The following SQSTM1 variants were observed in gnomAD, a reference collection of about 807,000 sequenced individuals.
SQSTM1 encodes sequestosome 1, also known as sequestosome-1.
Under a neutral mutation model 45.1 loss-of-function variants are expected in SQSTM1, and 36 were observed. The observed-to-expected ratio is 0.80, with a 90% CI of 0.61 to 1.05. The LOEUF (loss-of-function observed/expected upper bound fraction) is 1.05, where lower values mean the gene tolerates loss of function less well. SQSTM1 is among the 50% of genes least tolerant of loss of function. The pLI is 0.00. For synonymous variants in SQSTM1, 290 were observed against 244.3 expected (o/e 1.19, Z -1.74); for missense variants, 617 against 607.1 (o/e 1.02, Z -0.17).
chr5:179,833,552 T>C (rs781696581), intron 6 of SQSTM1, 35 bp from the exon 7 acceptor site: 18 of 1,612,176 alleles, frequency 1.1e-5, no homozygotes, highest in Admixed American at 6.7e-5. Flanking sequence ...CTGTTGCGCG[T>C]GTCTCCTGTG....
In SQSTM1 at chr5:179,837,167, A is replaced by G. The variant is rs1286491810; in HGVS notation, c.*574A>G. The G allele has an allele frequency of 2.0e-6, 3 of 1,482,130 alleles. No individual in the cohort carries two copies. Among genetic ancestry groups the G allele is most frequent in the Non-Finnish European group, 1.8e-6 (2 of 1,096,366 alleles). The allele number at this position is 1,482,130 out of a possible 1,614,324, so 91.8% of individuals were successfully genotyped here. Reference sequence around the variant, plus strand: ...ACTGTAGTTCTCTCATTTCCAAACCATCAGCTGCTTTTAAAATAAGATCTC... The same window carrying G: ...ACTGTAGTTCTCTCATTTCCAAACCGTCAGCTGCTTTTAAAATAAGATCTC... On this transcript the variant is annotated 3_prime_UTR_variant, in exon 8 of 8. Coordinates refer to ENST00000389805, the MANE Select transcript of SQSTM1 (RefSeq NM_003900.5).
intron 5 of SQSTM1, among the ~76,000 whole-genome samples, chr5:179,832,200 C>T (rs866675323): frequency 2.6e-5 from 4 of 152,308 alleles, no homozygotes; most frequent in East Asian, 1.9e-4. Context: ...GCAAGAGCAG[C>T]GTGAGCTGAA....
intron 1 of SQSTM1, 200 bp from the exon 2 acceptor site, chr5:179,822,758 A>G (rs1378113115): frequency 1.5e-6 from 1 of 652,506 alleles, no homozygotes; most frequent in Non-Finnish European, 2.8e-6. Context: ...TCCAGGGCCC[A>G]GGTCGGAGCA....
chr5:179,822,109 C>T (rs553829506), intron 1 of SQSTM1, among the ~76,000 whole-genome samples: 1 of 152,304 alleles, frequency 6.6e-6, no homozygotes, highest in East Asian at 1.9e-4. Context: ...TTTTATCACC[C>T]TCTTATCCAC....
At chr5:179,830,559 CT>C (rs1408784252) in intron 5 of SQSTM1, among the ~76,000 whole-genome samples, 2 of 142,118 alleles carry the variant, frequency 1.4e-5, no homozygotes, top group African/African-American at 5.7e-5. Context: ...TTTTTTTTTT[CT>C]TTTTCTTTCC....
intron 5 of SQSTM1, among the ~76,000 whole-genome samples, chr5:179,827,430 G>A (rs866386990): frequency 3.3e-5 from 5 of 152,208 alleles, no homozygotes; most frequent in Middle Eastern, 3.4e-3. Context: ...GACCACAGGC[G>A]CCCACCACCA....
chr5:179,832,104 A>C (rs911959939), intron 5 of SQSTM1, among the ~76,000 whole-genome samples: 2 of 152,180 alleles, frequency 1.3e-5, no homozygotes, highest in Non-Finnish European at 2.9e-5. Flanking sequence ...CTTTTAACAA[A>C]AAATTGCGTC....
intron 7 of SQSTM1, 61 bp from the exon 8 acceptor site, chr5:179,836,375 T>C: frequency 6.2e-7 from 1 of 1,611,750 alleles, no homozygotes; most frequent in South Asian, 1.1e-5. Context: ...GCAGGGTATG[T>C]GTTTCGGGTC....
At position 179,837,317 on chromosome 5, in the gene SQSTM1, T is replaced by C. The variant is rs1212600382; in HGVS notation, c.*724T>C. 6.3e-7 allele frequency: 1 copy of C among 1,593,026 alleles called. No individual in the cohort carries two copies. The highest frequency in any genetic ancestry group is 8.6e-7 in the Non-Finnish European group (1 of 1,169,216). On this transcript the variant is annotated 3_prime_UTR_variant, in exon 8 of 8. Transcript: ENST00000389805. ...TATTGTTAATGGTTCTTACAGAGTA[T>C]CTTTAAAAGTGCCTTAGGGGAACCC...
At chr5:179,821,759 AGTGTTG>A in intron 1 of SQSTM1, 1 of 325,992 alleles carries the variant, frequency 3.1e-6, no homozygotes, top group Non-Finnish European at 6.0e-6. Flanking sequence ...GTTCTTCAGA[AGTGTTG>A]GTGTTGGCAC....
chr5:179,835,504 C>CG (rs1299821979), intron 7 of SQSTM1: 9 of 158,160 alleles, frequency 5.7e-5, no homozygotes, highest in Admixed American at 3.9e-4. Context: ...GCCAACACAG[C>CG]GAAACCCCGT....
At chr5:179,834,236 T>TGGGGGGGG in intron 7 of SQSTM1, among the ~76,000 whole-genome samples, 1 of 7,060 alleles carries the variant, frequency 1.4e-4, no homozygotes, top group Admixed American at 1.8e-3. Flanking sequence ...CAGGCAGCAG[T>TGGGGGGGG]GGGGGGGTGG....
intron 7 of SQSTM1, 30 bp downstream of exon 7, chr5:179,833,812 T>G (rs1758364130): frequency 6.2e-7 from 1 of 1,611,818 alleles, no homozygotes; most frequent in Non-Finnish European, 8.5e-7. Flanking sequence ...TTGTACATAT[T>G]CCTACCTTTC....
chr5:179,829,195 T>C (rs1188454596), intron 5 of SQSTM1, among the ~76,000 whole-genome samples: 4 of 152,140 alleles, frequency 2.6e-5, no homozygotes, highest in Non-Finnish European at 5.9e-5. Context: ...CAGGCCAGGG[T>C]GAGGCACCAG....
In SQSTM1 at chr5:179,836,788, T is replaced by C; in HGVS notation, c.*195T>C. The C allele has an allele frequency of 1.2e-6, 1 of 841,468 alleles. No homozygotes were observed. Among genetic ancestry groups the C allele is most frequent in the Non-Finnish European group, 1.9e-6 (1 of 521,976 alleles). The allele number at this position is 841,468 out of a possible 1,614,324, so 52.1% of individuals were successfully genotyped here. A position where few individuals can be genotyped will look rare whatever the true frequency, so the allele number is the denominator to read the frequency against. ...GTCCCTGTGTGTGTGTGTGCTGATG[T>C]TTCCTGGGTGCCCTGGCTCCTTGCA... On this transcript the variant is annotated 3_prime_UTR_variant, in exon 8 of 8. Coordinates refer to ENST00000389805, the MANE Select transcript of SQSTM1 (RefSeq NM_003900.5).
intron 7 of SQSTM1, chr5:179,835,456 G>C (rs1244786194): frequency 6.4e-6 from 1 of 156,440 alleles, no homozygotes; most frequent in African/African-American, 2.4e-5. Flanking sequence ...GGCCGAGGCT[G>C]GCGGATCACT....
chr5:179,816,305 C>T (rs1424238386), upstream of SQSTM1, among the ~76,000 whole-genome samples: 3 of 152,106 alleles, frequency 2.0e-5, no homozygotes, highest in South Asian at 2.1e-4. Context: ...CCTGCCGCCA[C>T]GCCCAACTAA....
intron 1 of SQSTM1, among the ~76,000 whole-genome samples, chr5:179,810,676 C>T (rs893028857): frequency 1.3e-5 from 2 of 152,156 alleles, no homozygotes; most frequent in Non-Finnish European, 2.9e-5. Flanking sequence ...TTCTAGATCC[C>T]TGAGGAATCG....
chr5:179,820,781 A>C (rs1363490705), upstream of SQSTM1: 1 of 639,014 alleles, frequency 1.6e-6, no homozygotes, highest in Non-Finnish European at 2.5e-6. Context: ...GGGCCTCTGC[A>C]GGGCGGCTCT....
Sources: allele counts gnomAD v4.1 joint callset (sites outside exome capture counted in the v4.1 genomes callset), GRCh38; gene constraint gnomAD v4.1.1; transcripts MANE v1.5; gene names NCBI Gene and HGNC (gene_info 2026-07-23, HGNC 2026-07-21).